The following CHDH variants were observed in gnomAD, a reference collection of about 807,000 sequenced individuals.
CHDH encodes the protein choline dehydrogenase, mitochondrial.
In CHDH, 43 loss-of-function variants were observed where a neutral mutation model predicts 56.9. That is an observed-to-expected ratio of 0.76 (90% CI 0.59 to 0.97). The LOEUF (loss-of-function observed/expected upper bound fraction) is 0.97, where lower values mean the gene tolerates loss of function less well. CHDH is among the 50% of genes least tolerant of loss of function. CHDH has a pLI of 0.00. For synonymous variants in CHDH, 364 were observed against 348.5 expected (o/e 1.04, Z -0.50); for missense variants, 816 against 821.1 (o/e 0.99, Z 0.08).
chr3:53,822,780 G>T, intron 3 of CHDH, 138 bp from the exon 4 acceptor site: 1 of 1,168,756 alleles, frequency 8.6e-7, no homozygotes, highest in Non-Finnish European at 1.2e-6. Context: ...AGCTGAGACG[G>T]AAAGACCCTG....
In CHDH at chr3:53,814,608, A is replaced by G. The variant is rs1289605273; in HGVS notation, c.*3169T>C. On this transcript the variant is annotated 3_prime_UTR_variant, in exon 9 of 9. Transcript: ENST00000315251. ...GATGTTAAGTTGGCTTATCAGTAGAAGCATGAAACCACTTCTGAGTGGCGG... is the reference window on the plus strand; with the variant it reads ...GATGTTAAGTTGGCTTATCAGTAGAGGCATGAAACCACTTCTGAGTGGCGG... The G allele has an allele frequency of 6.6e-6, 1 of 152,198 alleles. No homozygotes were observed. Among genetic ancestry groups the G allele is most frequent in the Non-Finnish European group, 1.5e-5 (1 of 68,056 alleles). The allele number at this position is 152,198 out of a possible 1,614,324, so 9.4% of individuals were successfully genotyped here. A position where few individuals can be genotyped will look rare whatever the true frequency, so the allele number is the denominator to read the frequency against.
intron 2 of CHDH, among the ~76,000 whole-genome samples, chr3:53,835,366 A>G (rs1448334291): frequency 1.3e-5 from 2 of 152,254 alleles, no homozygotes; most frequent in South Asian, 4.1e-4. Context: ...AAGTTACTTT[A>G]CAGCCCTGAA....
Position 53,823,265 on chromosome 3 carries a change from A to AG in CHDH, c.703+40dup, listed in dbSNP as rs747739205. On this transcript the variant is annotated intron_variant, in intron 3 of 8. Coordinates refer to ENST00000315251, the MANE Select transcript of CHDH (RefSeq NM_018397.5). The stretch of plus-strand genomic sequence containing the variant: ...GGCCAAGATGGGTGGGGGCTGGGGT[A>AG]GGGGGTAGTGCTTTTTTAAAAAGAG... 7.0e-6 allele frequency: 10 copies of AG among 1,436,810 alleles called. No individual in the cohort carries two copies. The East Asian group carries it at 7.6e-5, about 11-fold the overall frequency. 89.0% of individuals were successfully genotyped at this position (1,436,810 alleles called of 1,614,324 possible). A position where few individuals can be genotyped will look rare whatever the true frequency, so the allele number is the denominator to read the frequency against.
At chr3:53,831,994 G>A (rs1249936788) in intron 2 of CHDH, among the ~76,000 whole-genome samples, 2 of 151,802 alleles carry the variant, frequency 1.3e-5, no homozygotes, top group Non-Finnish European at 2.9e-5. Context: ...GTGTTAATGA[G>A]GATATGGAGA....
chr3:53,820,427 A>G (rs1263980041), intron 6 of CHDH, 47 bp downstream of exon 6: 1 of 1,568,202 alleles, frequency 6.4e-7, no homozygotes. Context: ...AGGAGGTCTC[A>G]ATGCTTATAG....
rs746880748 is a variant in CHDH, at chr3:53,822,552, A to C, written c.794T>G (p.Val265Gly). The C allele has an allele frequency of 6.2e-7, 1 of 1,613,200 alleles. No homozygotes were observed. Residue 265 changes from valine (V) to glycine (G), a missense_variant, in exon 4 of 9, where the codon GTG becomes GGG. Val to Gly is a moderately radical substitution (Grantham distance 109, BLOSUM62 -3). Coordinates refer to ENST00000315251, the MANE Select transcript of CHDH (RefSeq NM_018397.5). The part of the protein sequence containing the change: ...KAEAETLVSR[V>G]LFEGTRAVGV... ...CACTGCACGGGTGCCCTCAAATAGC[A>C]CCCTGCTCACAAGCGTCTCGGCCTC...
chr3:53,831,952 CAAA>C (rs113683840), intron 2 of CHDH, among the ~76,000 whole-genome samples: 4 of 106,578 alleles, frequency 3.8e-5, no homozygotes, highest in Non-Finnish European at 4.1e-5. Flanking sequence ...GACTCCATCT[CAAA>C]AAAAAAAAAA....
chr3:53,818,000 G>A lies in CHDH; in HGVS notation c.1562C>T (p.Pro521Leu). Reference protein sequence around the residue: ...HPSCTCKMGQPSDPTAVVDPQ... With the variant: ...HPSCTCKMGQLSDPTAVVDPQ... ...ATCCACCACGGCAGTGGGATCGGAG[G>A]GCTGGCCCATCTTACAGGTGCACGA... The change falls in exon 9 of 9, where the codon CCC (proline) becomes CTC (leucine). Residue 521 changes from proline (P) to leucine (L), a missense_variant. Pro to Leu is a moderately conservative substitution (Grantham distance 98). Transcript: ENST00000315251. 6.2e-7 allele frequency: 1 copy of A among 1,614,220 alleles called. No individual in the cohort carries two copies. Among genetic ancestry groups the A allele is most frequent in the Non-Finnish European group, 8.5e-7 (1 of 1,180,042 alleles).
Position 53,818,202 on chromosome 3 carries a change from A to C in CHDH, c.1367-7T>G, listed in dbSNP as rs766314683. ...AAATCCTCAATATCAGTTTCTGTCG[A>C]GGAGAAGAAACAGGTGAGGACCCCT... On this transcript the variant is annotated splice_region_variant and splice_polypyrimidine_tract_variant and intron_variant, in intron 8 of 8. Coordinates refer to ENST00000315251, the MANE Select transcript of CHDH (RefSeq NM_018397.5). 1 of 1,590,540 alleles carries C rather than the reference A, an allele frequency of 6.3e-7. No individual in the cohort carries two copies. The highest frequency in any genetic ancestry group is 8.5e-7 in the Non-Finnish European group (1 of 1,169,642).
intron 2 of CHDH, among the ~76,000 whole-genome samples, chr3:53,835,669 A>G (rs1342823422): frequency 1.3e-5 from 2 of 152,174 alleles, no homozygotes; most frequent in Non-Finnish European, 2.9e-5. Flanking sequence ...GTAAGAACAC[A>G]CTGCTCTGTG....
chr3:53,820,596 TTC>T lies in CHDH; in HGVS notation c.996_997del (p.Asn333ProfsTer76), dbSNP rs2095624379. The T allele has an allele frequency of 6.2e-7, 1 of 1,612,492 alleles. No homozygotes were observed. Among genetic ancestry groups the T allele is most frequent in the Non-Finnish European group, 8.5e-7 (1 of 1,179,256 alleles). ...GTAGATCTCCAGGTGGTCTTGCAGG[TTC>T]TGGCCAACCCCTGATACGGGAAGGA... is the stretch of plus-strand genomic sequence containing the variant. On this transcript the variant is annotated frameshift_variant, in exon 6 of 9. Transcript: ENST00000315251. LOFTEE classifies it high-confidence loss of function.
At position 53,822,778 on chromosome 3, in the gene CHDH, C is replaced by G; in HGVS notation, c.704-136G>C. 10 of 1,175,004 alleles carry G rather than the reference C, an allele frequency of 8.5e-6. No homozygotes were observed. The South Asian group carries it at 1.4e-4, about 16-fold the overall frequency. The allele number at this position is 1,175,004 out of a possible 1,614,324, so 72.8% of individuals were successfully genotyped here. A position where few individuals can be genotyped will look rare whatever the true frequency, so the allele number is the denominator to read the frequency against. ...TCCCGCCTTCAAAGTAAAGCTGAGA[C>G]GGAAAGACCCTGCAAGACCCTGCCC... On this transcript the variant is annotated intron_variant, in intron 3 of 8. Transcript: ENST00000315251.
At chr3:53,828,958 C>T (rs1248969327) in intron 2 of CHDH, among the ~76,000 whole-genome samples, 2 of 152,120 alleles carry the variant, frequency 1.3e-5, no homozygotes, top group African/African-American at 4.8e-5. Context: ...ATATTTATGG[C>T]AGTTTTATTC....
rs1292363859 is a variant in CHDH at position 53,815,545 on chromosome 3, A to C, written c.*2232T>G. On this transcript the variant is annotated 3_prime_UTR_variant, in exon 9 of 9. Coordinates refer to ENST00000315251, the MANE Select transcript of CHDH (RefSeq NM_018397.5). ...TGTAGAACATGGCTAAGTATTTGAGAGTGAAAGAAGGGCCTGGGTGCAATT... is the reference window on the plus strand; with the variant it reads ...TGTAGAACATGGCTAAGTATTTGAGCGTGAAAGAAGGGCCTGGGTGCAATT... 1 of 152,220 alleles carries C rather than the reference A, an allele frequency of 6.6e-6. No homozygotes were observed. The highest frequency in any genetic ancestry group is 1.9e-4 in the East Asian group (1 of 5,204). 9.4% of individuals were successfully genotyped at this position (152,220 alleles called of 1,614,324 possible). A position where few individuals can be genotyped will look rare whatever the true frequency, so the allele number is the denominator to read the frequency against.
At chr3:53,829,733 A>G (rs1206893878) in intron 2 of CHDH, among the ~76,000 whole-genome samples, 1 of 152,192 alleles carries the variant, frequency 6.6e-6, no homozygotes, top group Non-Finnish European at 1.5e-5. Context: ...TGCAAATCCA[A>G]TTCACGTGTG....
At position 53,818,205 on chromosome 3, in the gene CHDH, A is replaced by T. The variant is rs188913570; in HGVS notation, c.1367-10T>A. 6.3e-7 allele frequency: 1 copy of T among 1,587,842 alleles called. No homozygotes were observed. The highest frequency in any genetic ancestry group is 1.3e-5 in the African/African-American group (1 of 74,214). Reference sequence around the variant, plus strand: ...TCCTCAATATCAGTTTCTGTCGAGGAGAAGAAACAGGTGAGGACCCCTCCT... The same window carrying T: ...TCCTCAATATCAGTTTCTGTCGAGGTGAAGAAACAGGTGAGGACCCCTCCT... On this transcript the variant is annotated splice_polypyrimidine_tract_variant and intron_variant, in intron 8 of 8. Transcript: ENST00000315251.
chr3:53,819,461 A>G lies in CHDH; in HGVS notation c.1263+71T>C. On this transcript the variant is annotated intron_variant, in intron 7 of 8. Coordinates refer to ENST00000315251, the MANE Select transcript of CHDH (RefSeq NM_018397.5). This position sits in a 1 kb window ranked among gnomAD's most constrained non-coding sequence, Gnocchi z 5.4. Reference sequence around the variant, plus strand: ...GGCACCAGGGAGAATGCTGCCTTGGAAGATGGGAGCATCTTCCTTCCTGGT... The same window carrying G: ...GGCACCAGGGAGAATGCTGCCTTGGGAGATGGGAGCATCTTCCTTCCTGGT... 2 of 1,540,588 alleles carry G rather than the reference A, an allele frequency of 1.3e-6. No homozygotes were observed. The highest frequency in any genetic ancestry group is 1.8e-6 in the Non-Finnish European group (2 of 1,141,090).
chr3:53,812,897 A>G lies in CHDH; in HGVS notation c.*4880T>C, dbSNP rs877484. On this transcript the variant is annotated 3_prime_UTR_variant, in exon 9 of 9. Coordinates refer to ENST00000315251, the MANE Select transcript of CHDH (RefSeq NM_018397.5). ...CTGTATGTTCTCTTTGAGGGCTTTT[A>G]TATGCAATTGAATGAGGGCTGAAGT... 65,707 of 152,002 alleles carry G rather than the reference A, an allele frequency of 0.43. 16,439 individuals are homozygous for G. The highest frequency in any genetic ancestry group is 0.7 in the East Asian group (3,617 of 5,156). The allele number at this position is 152,002 out of a possible 1,614,324, so 9.4% of individuals were successfully genotyped here. A position where few individuals can be genotyped will look rare whatever the true frequency, so the allele number is the denominator to read the frequency against.
intron 5 of CHDH, 39 bp downstream of exon 5, chr3:53,821,608 A>G (rs941949328): frequency 1.9e-6 from 3 of 1,592,198 alleles, no homozygotes; most frequent in Non-Finnish European, 1.7e-6. Flanking sequence ...TTTGTTGAGC[A>G]GAGACAGCCT....
Sources: gnomAD v4.1 joint callset for allele counts (sites outside exome capture counted in the v4.1 genomes callset) on GRCh38, gnomAD v4.1.1 for gene constraint, Gnocchi (gnomAD v3.1) non-coding constraint, MANE v1.5 for transcripts, NCBI Gene and HGNC (gene_info 2026-07-23, HGNC 2026-07-21) for gene names.